Variants in CYTH1 observed in about 807,000 individuals in gnomAD.
CYTH1 encodes cytohesin 1.
CYTH1 carries 18 observed loss-of-function variants against 61.8 expected under a neutral mutation model. That is an observed-to-expected ratio of 0.29 (90% CI 0.20 to 0.43). The LOEUF is 0.43. Among genes scored for constraint, CYTH1 ranks in the 20% least tolerant of loss-of-function variants. CYTH1 has a pLI of 1.00. For synonymous variants in CYTH1, 174 were observed against 184.3 expected, an observed-to-expected ratio of 0.94 and a Z score of 0.45; for missense variants, 336 against 510.5, an observed-to-expected ratio of 0.66 and a Z score of 3.29.
chr17:78,781,169 T>A (rs1160632274), intron 1 of CYTH1, among the ~76,000 whole-genome samples: 2 of 142,254 alleles, frequency 1.4e-5, no homozygotes, highest in African/African-American at 5.6e-5. Flanking sequence ...ATCTCGTCTC[T>A]TAAAAAAAAA....
At chr17:78,736,733 A>G in intron 1 of CYTH1, 1 of 420,294 alleles carries the variant, frequency 2.4e-6, no homozygotes, top group South Asian at 1.7e-5. Context: ...GTTTCCTTAC[A>G]GCGGGACACG....
intron 1 of CYTH1, among the ~76,000 whole-genome samples, chr17:78,713,149 G>C (rs1432058162): frequency 6.6e-6 from 1 of 151,828 alleles, no homozygotes; most frequent in Non-Finnish European, 1.5e-5. Context: ...GTGAGCTCTG[G>C]TTAAAGCAAA....
intron 1 of CYTH1, among the ~76,000 whole-genome samples, chr17:78,722,335 C>A (rs925971342): frequency 1.6e-4 from 24 of 152,338 alleles, no homozygotes; most frequent in African/African-American, 5.8e-4. Flanking sequence ...ACTGCTGTTT[C>A]GAAAGGATCC....
chr17:78,719,153 G>C (rs188447428), intron 1 of CYTH1, among the ~76,000 whole-genome samples: 1 of 152,206 alleles, frequency 6.6e-6, no homozygotes, highest in African/African-American at 2.4e-5. Flanking sequence ...CCACTCTACA[G>C]GGAGTGGTCT....
chr17:78,733,074 C>A (rs561938591), intron 1 of CYTH1, among the ~76,000 whole-genome samples: 59 of 58,448 alleles, frequency 1.0e-3, no homozygotes, highest in Non-Finnish European at 1.3e-3. Context: ...GAGACTCCAT[C>A]TCAAAAAAAA....
intron 13 of CYTH1, among the ~76,000 whole-genome samples, chr17:78,678,829 G>A (rs1415877079): frequency 6.6e-6 from 1 of 152,212 alleles, no homozygotes; most frequent in East Asian, 1.9e-4. Context: ...AGGCAGAAAT[G>A]ACCTCTATCA....
chr17:78,762,605 T>A (rs2144722880), intron 1 of CYTH1, among the ~76,000 whole-genome samples: 1 of 152,330 alleles, frequency 6.6e-6, no homozygotes, highest in Non-Finnish European at 1.5e-5. Context: ...GGATTAAGAT[T>A]GCAGATGGAA....
intron 12 of CYTH1, among the ~76,000 whole-genome samples, chr17:78,680,670 C>T (rs190929870): frequency 2.6e-5 from 4 of 152,242 alleles, no homozygotes; most frequent in Non-Finnish European, 5.9e-5. Context: ...GAAAACTAAA[C>T]GGGAGGTGTC....
At chr17:78,695,690 A>G (rs1359823802) in intron 10 of CYTH1, among the ~76,000 whole-genome samples, 1 of 152,226 alleles carries the variant, frequency 6.6e-6, no homozygotes. Context: ...AACATAGCGC[A>G]TGTCTTAGCC....
chr17:78,707,434 G>T (rs11654527), intron 3 of CYTH1, among the ~76,000 whole-genome samples: 21,207 of 151,766 alleles, frequency 0.14, 1,885 homozygotes, highest in Middle Eastern at 0.21. Flanking sequence ...TACTATCATC[G>T]CATTTCTACA....
chr17:78,733,003 C>T (rs530914455), intron 1 of CYTH1, among the ~76,000 whole-genome samples: 22 of 135,100 alleles, frequency 1.6e-4, no homozygotes, highest in African/African-American at 5.8e-4. Flanking sequence ...AGGAGAATCA[C>T]TTGAACCCGG....
At chr17:78,727,997 C>T (rs2093275346) in intron 1 of CYTH1, 2 of 238,782 alleles carry the variant, frequency 8.4e-6, no homozygotes, top group Admixed American at 5.1e-5. Flanking sequence ...TCCCTGATAT[C>T]ATGCAGGTGT....
At chr17:78,698,193 G>GCACGCACA (rs1026193442) in intron 9 of CYTH1, 76 bp downstream of exon 9, 17 of 1,198,378 alleles carry the variant, frequency 1.4e-5, no homozygotes, top group Admixed American at 3.7e-5. Context: ...ACACACGCAC[G>GCACGCACA]CACGCACACA....
intron 10 of CYTH1, among the ~76,000 whole-genome samples, chr17:78,694,390 T>C (rs1023406607): frequency 2.6e-5 from 4 of 152,228 alleles, no homozygotes; most frequent in Admixed American, 2.6e-4. Flanking sequence ...CCCTTGCCAC[T>C]GGTCCCTAAA....
At chr17:78,685,782 C>G (rs895567730) in intron 11 of CYTH1, among the ~76,000 whole-genome samples, 1 of 152,036 alleles carries the variant, frequency 6.6e-6, no homozygotes, top group South Asian at 2.1e-4. Context: ...CAGGAGAGTG[C>G]GGCCAGCTGT....
intron 2 of CYTH1, chr17:78,709,416 C>T (rs142285244): frequency 2.8e-5 from 14 of 502,540 alleles, no homozygotes; most frequent in East Asian, 2.3e-4. Context: ...TCTCCAGCTC[C>T]GACAACCGAC....
At chr17:78,696,354 TA>T (rs1465469310) in intron 9 of CYTH1, among the ~76,000 whole-genome samples, 3 of 152,244 alleles carry the variant, frequency 2.0e-5, no homozygotes, top group African/African-American at 7.2e-5. Flanking sequence ...CAAAGAAAGC[TA>T]AGGTTATTTC....
chr17:78,778,318 AAAG>A (rs1272115165), intron 1 of CYTH1, among the ~76,000 whole-genome samples: 18,574 of 82,628 alleles, frequency 0.22, 1,729 homozygotes, highest in Non-Finnish European at 0.3. Context: ...AAAAAAAAAA[AAAG>A]GGAAAAAAAA....
intron 1 of CYTH1, among the ~76,000 whole-genome samples, chr17:78,775,459 G>C (rs1198203559): frequency 6.6e-6 from 1 of 152,112 alleles, no homozygotes; most frequent in Admixed American, 6.6e-5. Context: ...TTTCTTGAAT[G>C]TCTTACCCCA....
Sources: gnomAD v4.1 joint callset for allele counts (sites outside exome capture counted in the v4.1 genomes callset) on GRCh38, gnomAD v4.1.1 for gene constraint, MANE v1.5 for transcripts, NCBI Gene and HGNC (gene_info 2026-07-23, HGNC 2026-07-21) for gene names.